Variants in B4GALT5 observed in about 807,000 individuals in gnomAD.
B4GALT5 encodes the protein UDP-Gal:beta-GlcNAc beta-1,4-galactosyltransferase 5.
Under a neutral mutation model 45.0 loss-of-function variants are expected in B4GALT5, and 11 were observed. That is an observed-to-expected ratio of 0.24 (90% CI 0.15 to 0.40). The LOEUF (loss-of-function observed/expected upper bound fraction) is 0.40, where lower values mean the gene tolerates loss of function less well. Among genes scored for constraint, B4GALT5 ranks in the 10% least tolerant of loss-of-function variants. B4GALT5 has a pLI of 1.00. For synonymous variants in B4GALT5, 185 were observed against 182.9 expected (o/e 1.01, Z -0.09); for missense variants, 337 against 500.2 (o/e 0.67, Z 3.11).
intron 8 of B4GALT5, 147 bp from the exon 9 acceptor site, chr20:49,636,606 C>A: frequency 1.2e-6 from 1 of 831,856 alleles, no homozygotes; most frequent in Non-Finnish European, 1.8e-6. Context: ...GCCAATTCTG[C>A]TATGCCAGGC....
chr20:49,672,105 A>AT (rs1365495715), intron 1 of B4GALT5, among the ~76,000 whole-genome samples: 1 of 152,140 alleles, frequency 6.6e-6, no homozygotes, highest in East Asian at 1.9e-4. Context: ...ATCCAAACAT[A>AT]TTCTTCCACA....
At chr20:49,650,614 G>A (rs141184893) in intron 2 of B4GALT5, among the ~76,000 whole-genome samples, 1,994 of 152,224 alleles carry the variant, frequency 0.013, 21 homozygotes, top group Middle Eastern at 0.024. Flanking sequence ...TCCAGCCTGG[G>A]CAACAACAGC....
intron 1 of B4GALT5, among the ~76,000 whole-genome samples, chr20:49,686,030 G>A (rs1248089080): frequency 6.6e-6 from 1 of 152,142 alleles, no homozygotes; most frequent in East Asian, 1.9e-4. Context: ...AGGCATGATG[G>A]GAAGGGAGTA....
At chr20:49,655,561 G>C (rs905746844) in intron 2 of B4GALT5, among the ~76,000 whole-genome samples, 4 of 152,196 alleles carry the variant, frequency 2.6e-5, no homozygotes, top group Non-Finnish European at 4.4e-5. Flanking sequence ...GGCTGGACTA[G>C]AGAGGCCTCA....
chr20:49,639,639 T>G (rs1601244932), intron 7 of B4GALT5, 39 bp downstream of exon 7: 3 of 1,609,138 alleles, frequency 1.9e-6, no homozygotes, highest in Non-Finnish European at 2.5e-6. Context: ...CAGTCTAAGG[T>G]AGCATTTCTA....
At chr20:49,654,904 C>T (rs1375182345) in intron 2 of B4GALT5, among the ~76,000 whole-genome samples, 4 of 151,986 alleles carry the variant, frequency 2.6e-5, no homozygotes, top group African/African-American at 4.8e-5. Context: ...CTCAGGAGTA[C>T]AAGACCAGAC....
intron 1 of B4GALT5, among the ~76,000 whole-genome samples, chr20:49,696,908 G>A (rs968436589): frequency 1.3e-5 from 2 of 152,168 alleles, no homozygotes; most frequent in African/African-American, 2.4e-5. Context: ...AATTCACAAT[G>A]AAGAGTCGGT....
At chr20:49,675,695 C>CA (rs551989139) in intron 1 of B4GALT5, among the ~76,000 whole-genome samples, 227 of 152,314 alleles carry the variant, frequency 1.5e-3, no homozygotes, top group Non-Finnish European at 2.6e-3. Flanking sequence ...TCTGAAGATA[C>CA]AAAACCTCAT....
intron 1 of B4GALT5, among the ~76,000 whole-genome samples, chr20:49,693,107 T>C (rs1192853750): frequency 6.6e-6 from 1 of 152,180 alleles, no homozygotes; most frequent in African/African-American, 2.4e-5. Context: ...ACCATCTAGG[T>C]TGGTGTAAGT....
chr20:49,681,028 C>A (rs1413446552), intron 1 of B4GALT5, among the ~76,000 whole-genome samples: 1 of 151,820 alleles, frequency 6.6e-6, no homozygotes, highest in Non-Finnish European at 1.5e-5. Context: ...TGAGACCAGC[C>A]TGGGAAACAG....
At chr20:49,683,624 C>CT (rs2085773296) in intron 1 of B4GALT5, among the ~76,000 whole-genome samples, 1 of 151,674 alleles carries the variant, frequency 6.6e-6, no homozygotes, top group Non-Finnish European at 1.5e-5. Context: ...AACTCCTGAC[C>CT]TCAGATGATC....
chr20:49,679,394 T>C (rs1459843760), intron 1 of B4GALT5, among the ~76,000 whole-genome samples: 1 of 152,070 alleles, frequency 6.6e-6, no homozygotes. Flanking sequence ...TACCGAAAGT[T>C]AGTTAAACAA....
intron 1 of B4GALT5, among the ~76,000 whole-genome samples, chr20:49,682,881 C>T (rs1482783638): frequency 2.6e-5 from 4 of 152,046 alleles, no homozygotes; most frequent in African/African-American, 9.7e-5. Context: ...TCACTTGAGC[C>T]CAGGAGTTTA....
intron 1 of B4GALT5, among the ~76,000 whole-genome samples, chr20:49,705,302 C>CA (rs199598745): frequency 3.8e-4 from 58 of 151,698 alleles, no homozygotes; most frequent in African/African-American, 1.2e-3. Flanking sequence ...GCCCACAGGA[C>CA]AAAAAAAATG....
chr20:49,643,548 G>A lies in B4GALT5; in HGVS notation c.467C>T (p.Ser156Phe), dbSNP rs745636592. The change falls in exon 4 of 9, where the codon TCT becomes TTT. Residue 156 changes from serine (S) to phenylalanine (F), a missense_variant. Transcript: ENST00000371711. Reference protein sequence around the residue: ...TIKLGGHWKPSDCMPRWKVAI... With the variant: ...TIKLGGHWKPFDCMPRWKVAI... Reference sequence around the variant, plus strand: ...TACCTTCCACCGAGGCATGCAATCAGAAGGCTTCCAGTGACCTCCGAGCTT... The same window carrying A: ...TACCTTCCACCGAGGCATGCAATCAAAAGGCTTCCAGTGACCTCCGAGCTT... 3 of 1,614,104 alleles carry A rather than the reference G, an allele frequency of 1.9e-6. No homozygotes were observed. Among genetic ancestry groups the A allele is most frequent in the Middle Eastern group, 1.7e-4 (1 of 6,056 alleles).
chr20:49,684,257 T>G (rs1205316689), intron 1 of B4GALT5, among the ~76,000 whole-genome samples: 1 of 151,360 alleles, frequency 6.6e-6, no homozygotes, highest in Non-Finnish European at 1.5e-5. Context: ...CATTCAGAAT[T>G]TACTTTAATT....
chr20:49,680,709 G>A (rs1181796035), intron 1 of B4GALT5, among the ~76,000 whole-genome samples: 4 of 152,074 alleles, frequency 2.6e-5, no homozygotes, highest in Non-Finnish European at 4.4e-5. Context: ...TTCTGGAAAC[G>A]AATAGTAGTA....
At chr20:49,662,119 C>G (rs141898668) in intron 1 of B4GALT5, among the ~76,000 whole-genome samples, 1 of 152,296 alleles carries the variant, frequency 6.6e-6, no homozygotes, top group East Asian at 1.9e-4. Context: ...AGGAAAACCT[C>G]CTCCTTTCTC....
At chr20:49,687,892 AT>A (rs1056263257) in intron 1 of B4GALT5, among the ~76,000 whole-genome samples, 30 of 150,104 alleles carry the variant, frequency 2.0e-4, no homozygotes, top group African/African-American at 5.9e-4. Flanking sequence ...AAAAAAAAAA[AT>A]TTTTTTTTTC....
Sources: gnomAD v4.1 joint callset for allele counts (sites outside exome capture counted in the v4.1 genomes callset) on GRCh38, gnomAD v4.1.1 for gene constraint, MANE v1.5 for transcripts, NCBI Gene and HGNC (gene_info 2026-07-23, HGNC 2026-07-21) for gene names.